Variants in CEP112 observed in about 807,000 individuals in gnomAD.
CEP112 encodes the protein centrosomal protein 112, also known as centrosomal protein of 112 kDa.
Under a neutral mutation model 153.0 loss-of-function variants are expected in CEP112, and 127 were observed. The ratio of observed to expected loss-of-function variants is 0.83; its 90% CI spans 0.72 to 0.96. CEP112 has a LOEUF of 0.96. Among genes scored for constraint, CEP112 ranks in the 40% least tolerant of loss-of-function variants. The pLI, the probability that CEP112 is intolerant of heterozygous loss-of-function variation, is 0.00. For synonymous variants in CEP112, 358 were observed against 374.4 expected, an observed-to-expected ratio of 0.96 and a Z score of 0.51; for missense variants, 1,089 against 1,101.2, an observed-to-expected ratio of 0.99 and a Z score of 0.16.
At chr17:65,768,968 C>T (rs1266461979) in intron 21 of CEP112, among the ~76,000 whole-genome samples, 1 of 152,002 alleles carries the variant, frequency 6.6e-6, no homozygotes, top group Non-Finnish European at 1.5e-5. Flanking sequence ...AACAGGTATT[C>T]AAGCTGGATA....
chr17:65,971,022 T>C (rs929307725), intron 17 of CEP112, among the ~76,000 whole-genome samples: 8 of 152,224 alleles, frequency 5.3e-5, no homozygotes, highest in African/African-American at 1.9e-4. Context: ...AAGATAATTA[T>C]TGGAAATTTT....
chr17:66,099,171 G>A (rs1190321210), intron 6 of CEP112, among the ~76,000 whole-genome samples: 1 of 152,100 alleles, frequency 6.6e-6, no homozygotes, highest in African/African-American at 2.4e-5. Context: ...CTGAAGATAA[G>A]GGCCCTGCAG....
chr17:66,134,086 G>A (rs874618), intron 4 of CEP112, among the ~76,000 whole-genome samples: 64,033 of 151,802 alleles, frequency 0.42, 14,258 homozygotes, highest in Middle Eastern at 0.52. Flanking sequence ...GAGGTAACCT[G>A]ATATGTCATA....
At chr17:66,137,991 ATAAC>A (rs780230738) in intron 4 of CEP112, among the ~76,000 whole-genome samples, 1 of 152,212 alleles carries the variant, frequency 6.6e-6, no homozygotes, top group Non-Finnish European at 1.5e-5. Context: ...AGTCTTAAAA[ATAAC>A]TATAACAGTT....
In CEP112 at chr17:65,911,286, G is replaced by C. The variant is rs148624198; in HGVS notation, c.1981-8952C>G. Among the ~76,000 whole-genome samples the C allele has an allele frequency of 2.6e-5, 4 of 152,232 alleles. No homozygotes were observed. In the East Asian group the frequency reaches 7.7e-4, roughly 29 times the overall value. On this transcript the variant is annotated intron_variant, in intron 19 of 26. Coordinates refer to ENST00000535342, the MANE Select transcript of CEP112 (RefSeq NM_001199165.4). ...TATAACTGTGAGAATTATGGTTATG[G>C]AACAAAATATAAATGTTATAAACTT...
At chr17:66,125,240 A>G (rs929926983) in intron 6 of CEP112, among the ~76,000 whole-genome samples, 3 of 152,216 alleles carry the variant, frequency 2.0e-5, no homozygotes, top group African/African-American at 7.2e-5. Context: ...TCATTTGGGT[A>G]ACTTTGTCCT....
intron 4 of CEP112, among the ~76,000 whole-genome samples, chr17:66,153,728 A>G (rs2071306682): frequency 6.6e-6 from 1 of 152,158 alleles, no homozygotes; most frequent in Non-Finnish European, 1.5e-5. Context: ...TGGAGGACCT[A>G]CACTACACTA....
intron 20 of CEP112, among the ~76,000 whole-genome samples, chr17:65,886,224 A>T (rs1268419542): frequency 2.6e-5 from 4 of 152,186 alleles, no homozygotes; most frequent in Non-Finnish European, 4.4e-5. Flanking sequence ...AAATGGGCAT[A>T]AAAGAATGGA....
intron 21 of CEP112, among the ~76,000 whole-genome samples, chr17:65,813,698 A>G (rs1476612023): frequency 6.6e-6 from 1 of 152,164 alleles, no homozygotes. Context: ...GGTGCGTGAA[A>G]GTGCTTTACA....
intron 17 of CEP112, among the ~76,000 whole-genome samples, chr17:65,990,910 C>T (rs916590463): frequency 2.6e-5 from 4 of 152,188 alleles, no homozygotes; most frequent in Non-Finnish European, 5.9e-5. Context: ...GACTGGGGAA[C>T]TTCACATTGA....
chr17:66,180,281 G>A (rs1329004029), intron 2 of CEP112, among the ~76,000 whole-genome samples: 1 of 151,834 alleles, frequency 6.6e-6, no homozygotes, highest in Non-Finnish European at 1.5e-5. Flanking sequence ...TTATTTAAAT[G>A]TTTAGTAAAA....
rs115185316 is a variant in CEP112, at chr17:65,893,478, G to A, written c.2163+8674C>T. ...TAAACAAATATCCAAAAGCACTCAA[G>A]AGATCAAGACGTAATTTAAAATAAT... On this transcript the variant is annotated intron_variant, in intron 20 of 26. Coordinates refer to ENST00000535342, the MANE Select transcript of CEP112 (RefSeq NM_001199165.4). Among the ~76,000 whole-genome samples, 535 of 152,034 alleles carry A rather than the reference G, an allele frequency of 3.5e-3. 7 individuals are homozygous for A. Among genetic ancestry groups the A allele is most frequent in the African/African-American group, 0.012 (495 of 41,474 alleles).
intron 21 of CEP112, among the ~76,000 whole-genome samples, chr17:65,793,071 A>C (rs1481768681): frequency 6.6e-6 from 1 of 152,172 alleles, no homozygotes; most frequent in Non-Finnish European, 1.5e-5. Context: ...GAGGGGGCAC[A>C]CACAATAAAC....
intron 20 of CEP112, among the ~76,000 whole-genome samples, chr17:65,860,654 C>T (rs181481344): frequency 6.6e-6 from 1 of 152,252 alleles, no homozygotes; most frequent in African/African-American, 2.4e-5. Context: ...CCAATGTATT[C>T]TAAAAATTAC....
intron 20 of CEP112, among the ~76,000 whole-genome samples, chr17:65,884,600 GAC>G (rs1171199985): frequency 6.6e-6 from 1 of 151,772 alleles, no homozygotes; most frequent in Admixed American, 6.6e-5. Context: ...GTAGGCTATA[GAC>G]AGTCATCTAT....
chr17:65,804,854 C>G (rs1311010074), intron 21 of CEP112, among the ~76,000 whole-genome samples: 4 of 151,892 alleles, frequency 2.6e-5, no homozygotes, highest in Admixed American at 2.6e-4. Flanking sequence ...AGGACAAACT[C>G]TGTACAATTA....
At chr17:65,982,957 G>A (rs1025519515) in intron 17 of CEP112, among the ~76,000 whole-genome samples, 3 of 152,036 alleles carry the variant, frequency 2.0e-5, no homozygotes, top group African/African-American at 4.8e-5. Context: ...AAGTAGCTCC[G>A]GACACAAAAG....
intron 17 of CEP112, among the ~76,000 whole-genome samples, chr17:66,002,555 G>C (rs1432690404): frequency 6.6e-6 from 1 of 152,092 alleles, no homozygotes; most frequent in Non-Finnish European, 1.5e-5. Flanking sequence ...GAGAAGATGG[G>C]ACCAAAATCC....
At chr17:65,995,565 C>T (rs2063754259) in intron 17 of CEP112, among the ~76,000 whole-genome samples, 1 of 152,192 alleles carries the variant, frequency 6.6e-6, no homozygotes, top group South Asian at 2.1e-4. Flanking sequence ...CTAGGGCCCA[C>T]CCAGCACTTC....
Sources: allele counts gnomAD v4.1 joint callset (sites outside exome capture counted in the v4.1 genomes callset), GRCh38; gene constraint gnomAD v4.1.1; transcripts MANE v1.5; gene names NCBI Gene and HGNC (gene_info 2026-07-23, HGNC 2026-07-21).